The following DDHD2 variants were observed in gnomAD, a reference collection of about 807,000 sequenced individuals.
The protein encoded by DDHD2 is DDHD domain containing 2, also known as triacylglycerol hydrolase DDHD2.
A neutral mutation model predicts 91.2 loss-of-function variants in DDHD2; 62 were observed. The ratio of observed to expected loss-of-function variants is 0.68; its 90% CI spans 0.55 to 0.84. The LOEUF is 0.84. DDHD2 is among the 40% of genes least tolerant of loss of function. The pLI is 0.00. For missense variants in DDHD2, 740 were observed against 846.9 expected, an observed-to-expected ratio of 0.87 and a Z score of 1.57; for synonymous variants, 271 against 293.9, an observed-to-expected ratio of 0.92 and a Z score of 0.80.
intron 10 of DDHD2, among the ~76,000 whole-genome samples, chr8:38,248,337 A>G (rs896056214): frequency 6.7e-6 from 1 of 148,248 alleles, no homozygotes; most frequent in Non-Finnish European, 1.5e-5. Flanking sequence ...CTGGGATTAC[A>G]TGTGTGAGCC....
chr8:38,245,922 G>A lies in DDHD2; in HGVS notation c.1029G>A (p.Gly343=), dbSNP rs768154369. Residue 343 remains glycine, a synonymous_variant, in exon 8 of 18, where the codon GGG becomes GGA. Transcript: ENST00000397166. ...LFLQRNPDFK[G]GVSIAGHSLG... Reference sequence around the variant, plus strand: ...TACAGAGGAACCCTGATTTCAAAGGGGGTGTATCCATTGCTGGTCATAGTT... The same window carrying A: ...TACAGAGGAACCCTGATTTCAAAGGAGGTGTATCCATTGCTGGTCATAGTT... The A allele has an allele frequency of 1.9e-6, 3 of 1,613,862 alleles. No homozygotes were observed. The highest frequency in any genetic ancestry group is 1.1e-5 in the South Asian group (1 of 91,086).
chr8:38,264,333 G>C, downstream of DDHD2: 2 of 879,676 alleles, frequency 2.3e-6, no homozygotes, highest in South Asian at 4.5e-5. Flanking sequence ...GTAGAGACAG[G>C]GTTCACCATG....
At chr8:38,267,702 G>C (rs1807865616), downstream of DDHD2, 2 of 655,258 alleles carry the variant, frequency 3.1e-6, no homozygotes, top group Admixed American at 3.0e-5. Context: ...TGCTGTTCAG[G>C]CAGAAAAGAG....
intron 16 of DDHD2, among the ~76,000 whole-genome samples, chr8:38,256,628 G>C (rs951155416): frequency 1.3e-5 from 2 of 152,190 alleles, no homozygotes; most frequent in African/African-American, 4.8e-5. Context: ...TATATCAATA[G>C]CATATCCTTT....
intron 6 of DDHD2, among the ~76,000 whole-genome samples, chr8:38,240,617 G>A (rs997946174): frequency 6.6e-6 from 1 of 152,214 alleles, no homozygotes; most frequent in Non-Finnish European, 1.5e-5. Flanking sequence ...GTTTTATGAT[G>A]TGGTGGTCCT....
intron 3 of DDHD2, among the ~76,000 whole-genome samples, chr8:38,234,845 G>T (rs531877460): frequency 6.7e-6 from 1 of 149,782 alleles, no homozygotes; most frequent in East Asian, 2.0e-4. Context: ...TTGGCTCACT[G>T]CAACCTCCAC....
chr8:38,238,756 A>G lies in DDHD2; in HGVS notation c.622+547A>G, dbSNP rs575932418. ...ACATACCAAACATTGATAAAAATGA[A>G]ATACTAGATAAAAGTATTTTATCAA... On this transcript the variant is annotated intron_variant, in intron 5 of 17. Transcript: ENST00000397166. The G allele has an allele frequency of 6.0e-6, 5 of 830,596 alleles. No homozygotes were observed. The South Asian group carries it at 2.8e-4, about 47-fold the overall frequency. The allele number at this position is 830,596 out of a possible 1,614,324, so 51.5% of individuals were successfully genotyped here. A position where few individuals can be genotyped will look rare whatever the true frequency, so the allele number is the denominator to read the frequency against.
intron 7 of DDHD2, 135 bp downstream of exon 7, chr8:38,242,520 C>A: frequency 1.1e-6 from 1 of 943,280 alleles, no homozygotes. Flanking sequence ...AAATGCTGAT[C>A]AGTCCCTTGG....
At position 38,252,030 on chromosome 8, in the gene DDHD2, T is replaced by G; in HGVS notation, c.1461+2T>G. 1 of 1,612,834 alleles carries G rather than the reference T, an allele frequency of 6.2e-7. No homozygotes were observed. The highest frequency in any genetic ancestry group is 8.5e-7 in the Non-Finnish European group (1 of 1,178,770). Reference sequence around the variant, plus strand: ...TATCTGGATGTTGGCATTGGGCAGGTAACTAATTCTCTTTGATCATTTTAC... The same window carrying G: ...TATCTGGATGTTGGCATTGGGCAGGGAACTAATTCTCTTTGATCATTTTAC... On this transcript the variant is annotated splice_donor_variant, in intron 12 of 17. Transcript: ENST00000397166. LOFTEE classifies it high-confidence loss of function.
chr8:38,269,134 C>G, intron 1 of DDHD2: 1 of 1,520,000 alleles, frequency 6.6e-7, no homozygotes. Flanking sequence ...ACAGGAAGGC[C>G]GCGAACAGCG....
chr8:38,264,457 CAAT>C (rs1451328836), downstream of DDHD2: 1 of 1,547,784 alleles, frequency 6.5e-7, no homozygotes, highest in Non-Finnish European at 8.7e-7. Context: ...AATATCAAAA[CAAT>C]AAGAATCCCC....
At chr8:38,243,082 G>A (rs1487914173) in intron 7 of DDHD2, among the ~76,000 whole-genome samples, 1 of 152,172 alleles carries the variant, frequency 6.6e-6, no homozygotes, top group Non-Finnish European at 1.5e-5. Context: ...AGTACCCTGT[G>A]ATTTGGGTAT....
chr8:38,243,187 C>A (rs1013609565), intron 7 of DDHD2, among the ~76,000 whole-genome samples: 2 of 152,164 alleles, frequency 1.3e-5, no homozygotes, highest in African/African-American at 4.8e-5. Context: ...TTATAAATTG[C>A]AGAAGTGGTT....
At chr8:38,268,388 C>T in intron 1 of DDHD2, 5 of 1,569,736 alleles carry the variant, frequency 3.2e-6, no homozygotes, top group South Asian at 2.3e-5. Context: ...GGCTTGTCTG[C>T]TGTCTCTTGT....
chr8:38,252,425 G>A (rs2130850123), intron 13 of DDHD2, 138 bp downstream of exon 13: 1 of 959,132 alleles, frequency 1.0e-6, no homozygotes, highest in Non-Finnish European at 1.6e-6. Flanking sequence ...GTATTGATTT[G>A]GAAGTGATGG....
intron 5 of DDHD2, 64 bp downstream of exon 5, chr8:38,238,273 C>T: frequency 6.3e-7 from 1 of 1,598,764 alleles, no homozygotes; most frequent in South Asian, 1.1e-5. Context: ...AAATTGTGAC[C>T]TTTTTCTGTG....
intron 16 of DDHD2, among the ~76,000 whole-genome samples, chr8:38,257,348 A>C (rs745981522): frequency 7.6e-5 from 11 of 143,998 alleles, no homozygotes; most frequent in Non-Finnish European, 1.6e-4. Flanking sequence ...TCCCAGGTTC[A>C]AGCAATTCTT....
intron 1 of DDHD2, chr8:38,269,242 T>A (rs1416150415): frequency 7.1e-7 from 1 of 1,411,660 alleles, no homozygotes; most frequent in Non-Finnish European, 9.2e-7. Flanking sequence ...CGTGGCCACC[T>A]CCGCGGGGAG....
At chr8:38,268,613 A>G in intron 1 of DDHD2, 2 of 1,446,516 alleles carry the variant, frequency 1.4e-6, no homozygotes, top group South Asian at 1.5e-5. Flanking sequence ...GCCACCAGTG[A>G]ACAGCAGCGC....
Sources: gnomAD v4.1 joint callset for allele counts (sites outside exome capture counted in the v4.1 genomes callset) on GRCh38, gnomAD v4.1.1 for gene constraint, MANE v1.5 for transcripts, NCBI Gene and HGNC (gene_info 2026-07-23, HGNC 2026-07-21) for gene names.